The following RIT2 variants were observed in gnomAD, a reference collection of about 807,000 sequenced individuals.
RIT2 encodes Ras like without CAAX 2, also known as GTP-binding protein Rit2.
A neutral mutation model predicts 23.7 loss-of-function variants in RIT2; 24 were observed. The ratio of observed to expected loss-of-function variants is 1.01; its 90% CI spans 0.73 to 1.43. The LOEUF is 1.43. Among genes scored for constraint, RIT2 ranks in the 40% most tolerant of loss-of-function variants. The probability of loss-of-function intolerance (pLI) is 0.00; values close to 1 mark genes in which losing one functional copy is unlikely to be tolerated. For missense variants in RIT2, 236 were observed against 266.9 expected (o/e 0.88, Z 0.81); for synonymous variants, 107 against 91.1 (o/e 1.17, Z -0.99).
chr18:42,944,517 GT>G (rs1361231329), intron 3 of RIT2, among the ~76,000 whole-genome samples: 2 of 152,030 alleles, frequency 1.3e-5, no homozygotes, highest in African/African-American at 4.8e-5. Context: ...GTGGGCCCCT[GT>G]GATTTCGAGA....
In RIT2 at chr18:43,082,436, T is replaced by A. The variant is rs550512617; in HGVS notation, c.103+32981A>T. Reference sequence around the variant, plus strand: ...CAGAGATACAACAACAACAACAAAATTTCAGGCCAATATCCCTGATGAACA... The same window carrying A: ...CAGAGATACAACAACAACAACAAAAATTCAGGCCAATATCCCTGATGAACA... On this transcript the variant is annotated intron_variant, in intron 1 of 4. Transcript: ENST00000326695. Among the ~76,000 whole-genome samples the A allele has an allele frequency of 3.3e-5, 5 of 152,082 alleles. No individual in the cohort carries two copies. In the East Asian group the frequency reaches 7.7e-4, roughly 23 times the overall value.
intron 1 of RIT2, among the ~76,000 whole-genome samples, chr18:43,057,672 G>A (rs1912537155): frequency 6.6e-6 from 1 of 151,460 alleles, no homozygotes; most frequent in Non-Finnish European, 1.5e-5. Flanking sequence ...ATTTAGTGTG[G>A]GTTTAAGATT....
At chr18:43,040,690 G>A (rs1188159141) in intron 1 of RIT2, among the ~76,000 whole-genome samples, 1 of 152,230 alleles carries the variant, frequency 6.6e-6, no homozygotes. Context: ...ATGAGATGGG[G>A]GTGCATGTTA....
chr18:42,894,501 T>C (rs1278470938), intron 4 of RIT2, among the ~76,000 whole-genome samples: 2 of 152,182 alleles, frequency 1.3e-5, no homozygotes, highest in Non-Finnish European at 2.9e-5. Context: ...TATAAGTACA[T>C]TTATAATACT....
chr18:42,747,234 C>A (rs530645818), intron 4 of RIT2, among the ~76,000 whole-genome samples: 2 of 152,048 alleles, frequency 1.3e-5, no homozygotes, highest in East Asian at 3.9e-4. Context: ...GAATCAGTAG[C>A]TCTGCTATAT....
intron 2 of RIT2, among the ~76,000 whole-genome samples, chr18:43,033,583 C>CAGAT (rs1911906561): frequency 2.0e-5 from 3 of 151,834 alleles, no homozygotes. Flanking sequence ...CCACCATTTA[C>CAGAT]CAGAAAGAAA....
chr18:42,975,160 G>C (rs1379520245), intron 2 of RIT2, among the ~76,000 whole-genome samples: 1 of 152,040 alleles, frequency 6.6e-6, no homozygotes, highest in African/African-American at 2.4e-5. Context: ...ACTCTGACTG[G>C]TGTGAGATGG....
At chr18:42,970,363 T>A (rs1018980762) in intron 3 of RIT2, among the ~76,000 whole-genome samples, 3 of 151,866 alleles carry the variant, frequency 2.0e-5, no homozygotes, top group Non-Finnish European at 4.4e-5. Context: ...AGCAGAAGAG[T>A]TAAGTATTAA....
rs923683777 is a variant in RIT2 at position 42,939,509 on chromosome 18, A to G, written c.235-15746T>C. Among the ~76,000 whole-genome samples the G allele has an allele frequency of 5.3e-5, 8 of 152,300 alleles. No homozygotes were observed. In the East Asian group the frequency reaches 1.5e-3, roughly 29 times the overall value. On this transcript the variant is annotated intron_variant, in intron 3 of 4. Coordinates refer to ENST00000326695, the MANE Select transcript of RIT2 (RefSeq NM_002930.4). ...TTTTGTTAGGCTGACAGAGCTACAA[A>G]TAAGCCTAAAGCCACAGATAATTAC...
At chr18:43,005,820 A>G (rs1278886958) in intron 2 of RIT2, among the ~76,000 whole-genome samples, 1 of 151,772 alleles carries the variant, frequency 6.6e-6, no homozygotes, top group South Asian at 2.1e-4. Flanking sequence ...GGTAGACAAC[A>G]TGAGGTCTGA....
intron 1 of RIT2, among the ~76,000 whole-genome samples, chr18:43,074,912 G>A (rs1350064438): frequency 1.3e-5 from 2 of 152,206 alleles, no homozygotes; most frequent in Non-Finnish European, 2.9e-5. Flanking sequence ...CACAGTGGGA[G>A]GGAGAGCATC....
intron 1 of RIT2, among the ~76,000 whole-genome samples, chr18:43,105,457 G>GGAGGAAGGGAGGAAGAGAGGAAGA (rs1555658736): frequency 8.7e-4 from 91 of 104,906 alleles, no homozygotes; most frequent in South Asian, 2.1e-3. Context: ...AAAAAGGAAG[G>GGAGGAAGGGAGGAAGAGAGGAAGA]GAGGAAGGGA....
chr18:43,091,774 T>G (rs1161151066), intron 1 of RIT2, among the ~76,000 whole-genome samples: 3 of 152,098 alleles, frequency 2.0e-5, no homozygotes, highest in Non-Finnish European at 4.4e-5. Flanking sequence ...GGATTCTGAA[T>G]GCTCCTGGTC....
rs972914877 is a variant in RIT2 at position 42,907,917 on chromosome 18, G to A, written c.426+15655C>T. 7.2e-4 allele frequency among the ~76,000 whole-genome samples: 109 copies of A among 151,710 alleles called. 1 individual carries two copies. The highest frequency in any genetic ancestry group is 1.0e-4 in the Non-Finnish European group (7 of 67,934). On this transcript the variant is annotated intron_variant, in intron 4 of 4. Transcript: ENST00000326695. ...GGTTGCTTGAGCCCAAGATATAGAG[G>A]TTGTAGTGAGCTATGATCATCACTG...
At chr18:42,872,734 T>G (rs1907650766) in intron 4 of RIT2, among the ~76,000 whole-genome samples, 1 of 152,184 alleles carries the variant, frequency 6.6e-6, no homozygotes, top group Non-Finnish European at 1.5e-5. Flanking sequence ...CATAATTACT[T>G]AGTAATGGGA....
chr18:43,078,370 A>G (rs1293773788), intron 1 of RIT2, among the ~76,000 whole-genome samples: 1 of 152,154 alleles, frequency 6.6e-6, no homozygotes, highest in Non-Finnish European at 1.5e-5. Flanking sequence ...AAGGGTCTAC[A>G]TAGTTGCTTC....
At position 42,797,252 on chromosome 18, in the gene RIT2, C is replaced by T. The variant is rs1905391477; in HGVS notation, c.427-53532G>A. 4.6e-5 allele frequency among the ~76,000 whole-genome samples: 7 copies of T among 152,166 alleles called. No homozygotes were observed. The South Asian group carries it at 1.4e-3, about 32-fold the overall frequency. On this transcript the variant is annotated intron_variant, in intron 4 of 4. Coordinates refer to ENST00000326695, the MANE Select transcript of RIT2 (RefSeq NM_002930.4). ...AAACTCAAAGTCCTAAGAAAGGTCA[C>T]TTAAAAAATCAGAAAGTCCATGGTT...
At chr18:43,056,847 T>C (rs1043038233) in intron 1 of RIT2, among the ~76,000 whole-genome samples, 1 of 152,106 alleles carries the variant, frequency 6.6e-6, no homozygotes. Flanking sequence ...AGAACTGCCA[T>C]GATCTTTGAA....
chr18:42,891,395 T>G (rs112831695), intron 4 of RIT2, among the ~76,000 whole-genome samples: 21 of 152,316 alleles, frequency 1.4e-4, no homozygotes, highest in African/African-American at 5.0e-4. Context: ...TTAGCATATT[T>G]TCTCTGTATC....
Sources: allele counts gnomAD v4.1 joint callset (sites outside exome capture counted in the v4.1 genomes callset), GRCh38; gene constraint gnomAD v4.1.1; transcripts MANE v1.5; gene names NCBI Gene and HGNC (gene_info 2026-07-23, HGNC 2026-07-21).